The following CRISPLD2 variants were observed in gnomAD, a reference collection of about 807,000 sequenced individuals.
The protein encoded by CRISPLD2 is cysteine-rich secretory protein LCCL domain-containing 2.
A neutral mutation model predicts 71.1 loss-of-function variants in CRISPLD2; 47 were observed. The ratio of observed to expected loss-of-function variants is 0.66; its 90% CI spans 0.52 to 0.84. CRISPLD2 has a LOEUF of 0.84. CRISPLD2 is among the 40% of genes least tolerant of loss of function. The pLI is 0.00. For synonymous variants in CRISPLD2, 317 were observed against 250.1 expected (o/e 1.27, Z -2.52); for missense variants, 830 against 651.1 (o/e 1.27, Z -2.99).
chr16:84,854,627 C>T, intron 5 of CRISPLD2, 102 bp from the exon 6 acceptor site: 3 of 807,548 alleles, frequency 3.7e-6, no homozygotes, highest in Non-Finnish European at 4.4e-6. Flanking sequence ...CCTGACCTGT[C>T]AGTGGCGGTG....
intron 6 of CRISPLD2, among the ~76,000 whole-genome samples, chr16:84,855,518 C>A (rs1265991933): frequency 6.6e-6 from 1 of 151,570 alleles, no homozygotes; most frequent in East Asian, 2.0e-4. Flanking sequence ...TGCTTTATAT[C>A]CTAGCTGCAC....
chr16:84,893,137 G>T (rs983551438), intron 14 of CRISPLD2, among the ~76,000 whole-genome samples: 3 of 151,988 alleles, frequency 2.0e-5, no homozygotes, highest in Non-Finnish European at 4.4e-5. Flanking sequence ...AGTATGTGGC[G>T]CCCGCTGCAC....
chr16:84,906,094 C>G (rs2071799717), intron 14 of CRISPLD2, among the ~76,000 whole-genome samples: 1 of 152,090 alleles, frequency 6.6e-6, no homozygotes, highest in African/African-American at 2.4e-5. Context: ...CCATGGGACC[C>G]TGGGTAAATC....
At chr16:84,866,617 C>G (rs1435114567) in intron 6 of CRISPLD2, among the ~76,000 whole-genome samples, 1 of 152,086 alleles carries the variant, frequency 6.6e-6, no homozygotes, top group Non-Finnish European at 1.5e-5. Context: ...TTATGATAAC[C>G]CAGGTGTGGG....
intron 6 of CRISPLD2, among the ~76,000 whole-genome samples, chr16:84,856,461 G>T (rs1917243758): frequency 6.6e-6 from 1 of 152,104 alleles, no homozygotes; most frequent in Non-Finnish European, 1.5e-5. Context: ...TATGTCTCCT[G>T]GTGGCAGCGT....
intron 14 of CRISPLD2, among the ~76,000 whole-genome samples, chr16:84,893,115 G>A (rs180848948): frequency 1.3e-5 from 2 of 152,124 alleles, no homozygotes; most frequent in East Asian, 3.9e-4. Flanking sequence ...CCAACAGGGT[G>A]ATGGCCGGGA....
chr16:84,880,813 C>A, intron 13 of CRISPLD2: 1 of 368,190 alleles, frequency 2.7e-6, no homozygotes, highest in South Asian at 4.8e-5. Context: ...TCAAACGATT[C>A]TTGTACCTCA....
rs985243156 is a variant in CRISPLD2 at position 84,909,470 on chromosome 16, C to G, written c.*2828C>G. ...GTTCCTGTAACATATCTTTTATGAA[C>G]AAATCTGAACAATTTGTGAAATAAA... is the stretch of plus-strand genomic sequence containing the variant. On this transcript the variant is annotated 3_prime_UTR_variant, in exon 15 of 15. Coordinates refer to ENST00000262424, the MANE Select transcript of CRISPLD2 (RefSeq NM_031476.4). 7 of 152,584 alleles carry G rather than the reference C, an allele frequency of 4.6e-5. No individual in the cohort carries two copies. The highest frequency in any genetic ancestry group is 1.7e-4 in the African/African-American group (7 of 41,444). The allele number at this position is 152,584 out of a possible 1,614,324, so 9.5% of individuals were successfully genotyped here. A position where few individuals can be genotyped will look rare whatever the true frequency, so the allele number is the denominator to read the frequency against.
chr16:84,857,144 G>A (rs1917261859), intron 6 of CRISPLD2, among the ~76,000 whole-genome samples: 1 of 152,168 alleles, frequency 6.6e-6, no homozygotes, highest in Non-Finnish European at 1.5e-5. Context: ...ACTCAGCAGT[G>A]GCCATAGCCA....
At chr16:84,864,304 G>T (rs1317919231) in intron 6 of CRISPLD2, among the ~76,000 whole-genome samples, 1 of 152,216 alleles carries the variant, frequency 6.6e-6, no homozygotes, top group Non-Finnish European at 1.5e-5. Context: ...TTGTGGGTGT[G>T]AGAGCCAGGA....
At chr16:84,841,354 G>T (rs1416439148) in intron 2 of CRISPLD2, among the ~76,000 whole-genome samples, 1 of 152,092 alleles carries the variant, frequency 6.6e-6, no homozygotes, top group African/African-American at 2.4e-5. Flanking sequence ...CGGGAGAAAA[G>T]CTTCGGGTCT....
intron 2 of CRISPLD2, among the ~76,000 whole-genome samples, chr16:84,842,476 C>T (rs1175247277): frequency 1.3e-5 from 2 of 150,932 alleles, no homozygotes; most frequent in East Asian, 2.0e-4. Flanking sequence ...CCGGTTCAAG[C>T]GACTCTCCTG....
At chr16:84,831,162 A>C (rs1440438740) in intron 1 of CRISPLD2, among the ~76,000 whole-genome samples, 1 of 152,180 alleles carries the variant, frequency 6.6e-6, no homozygotes, top group East Asian at 1.9e-4. Context: ...AGACGCAGCC[A>C]TGGAAGAGGA....
intron 6 of CRISPLD2, among the ~76,000 whole-genome samples, chr16:84,866,076 G>C (rs139787875): frequency 1.6e-4 from 24 of 152,228 alleles, no homozygotes; most frequent in African/African-American, 4.1e-4. Flanking sequence ...AAGTGGGCTG[G>C]TGTGAGGTGC....
intron 1 of CRISPLD2, chr16:84,836,531 C>T (rs969530233): frequency 6.6e-5 from 10 of 152,232 alleles, no homozygotes; most frequent in Admixed American, 2.0e-4. Flanking sequence ...AGCCTCTCCT[C>T]TCCGCATGGG....
At chr16:84,867,437 C>A (rs964008755) in intron 7 of CRISPLD2, among the ~76,000 whole-genome samples, 5 of 152,236 alleles carry the variant, frequency 3.3e-5, no homozygotes, top group African/African-American at 1.2e-4. Flanking sequence ...TGGGTCTGGA[C>A]TCAGTTGGCG....
chr16:84,872,986 C>T lies in CRISPLD2; in HGVS notation c.982-6C>T, dbSNP rs780762209. ...TGCCTCTGGTCTTCTCTTCCCTTCC[C>T]GCCAGTCGTCTAGCATATGCCGCGC... is the stretch of plus-strand genomic sequence containing the variant. On this transcript the variant is annotated splice_region_variant and splice_polypyrimidine_tract_variant and intron_variant, in intron 9 of 14. Coordinates refer to ENST00000262424, the MANE Select transcript of CRISPLD2 (RefSeq NM_031476.4). The T allele has an allele frequency of 1.2e-5, 19 of 1,604,278 alleles. No individual in the cohort carries two copies. Among genetic ancestry groups the T allele is most frequent in the South Asian group, 4.5e-5 (4 of 89,710 alleles).
At chr16:84,892,190 G>C (rs1310268586) in intron 14 of CRISPLD2, among the ~76,000 whole-genome samples, 2 of 152,172 alleles carry the variant, frequency 1.3e-5, no homozygotes. Context: ...ACAGTGTCCA[G>C]ATCAACCCAG....
chr16:84,890,930 C>G lies in CRISPLD2; in HGVS notation c.1439+1567C>G, dbSNP rs567061678. ...TACAGGCATGCACCACCATGCCCGG[C>G]TAATTTTTGTATTTTTAGTAGAGAT... is the stretch of plus-strand genomic sequence containing the variant. On this transcript the variant is annotated intron_variant, in intron 14 of 14. Transcript: ENST00000262424. 3.9e-5 allele frequency among the ~76,000 whole-genome samples: 6 copies of G among 152,306 alleles called. No homozygotes were observed. The East Asian group carries it at 9.6e-4, about 24-fold the overall frequency.
Sources: allele counts gnomAD v4.1 joint callset (sites outside exome capture counted in the v4.1 genomes callset), GRCh38; gene constraint gnomAD v4.1.1; transcripts MANE v1.5; gene names NCBI Gene and HGNC (gene_info 2026-07-23, HGNC 2026-07-21).